Variants in INKA2 observed in about 807,000 individuals in gnomAD.
INKA2 encodes the protein PAK4-inhibitor INKA2.
A neutral mutation model predicts 9.8 loss-of-function variants in INKA2; 3 were observed. The ratio of observed to expected loss-of-function variants is 0.31; its 90% CI spans 0.14 to 0.79. The LOEUF (loss-of-function observed/expected upper bound fraction) is 0.79, where lower values mean the gene tolerates loss of function less well. Among genes scored for constraint, INKA2 ranks in the 30% least tolerant of loss-of-function variants. INKA2 has a pLI of 0.62. For synonymous variants in INKA2, 147 were observed against 143.3 expected (o/e 1.03, Z -0.18); for missense variants, 392 against 384.4 (o/e 1.02, Z -0.17).
Position 111,727,359 on chromosome 1 carries a change from T to C in INKA2, c.503A>G (p.Asn168Ser), listed in dbSNP as rs1557908478. Residue 168 changes from asparagine (N) to serine (S), a missense_variant, in exon 2 of 2, where the codon AAT (asparagine) becomes AGT (serine). Physicochemically the swap from Asn to Ser is conservative, Grantham distance 46. Coordinates refer to ENST00000357260, the MANE Select transcript of INKA2 (RefSeq NM_019099.5). ...CTCCAGTTCTGGCAAGTCTAGCCAA[T>C]TGCCCACCAGGTCTGCAAAAACGTT... ...GDNVFADLVG[N>S]WLDLPELEKG... 2 of 1,614,020 alleles carry C rather than the reference T, an allele frequency of 1.2e-6. No individual in the cohort carries two copies. The highest frequency in any genetic ancestry group is 1.1e-5 in the South Asian group (1 of 91,034).
chr1:111,752,347 G>A (rs557902983), intron 1 of INKA2, among the ~76,000 whole-genome samples: 3 of 152,280 alleles, frequency 2.0e-5, no homozygotes, highest in Admixed American at 6.5e-5. Flanking sequence ...TTACCTCCTT[G>A]ACTTCAGTAG....
chr1:111,731,320 C>A (rs1173950827), intron 1 of INKA2, among the ~76,000 whole-genome samples: 1 of 151,776 alleles, frequency 6.6e-6, no homozygotes, highest in African/African-American at 2.4e-5. Flanking sequence ...GTGACCTGGG[C>A]AAGTTATTTA....
intron 1 of INKA2, among the ~76,000 whole-genome samples, chr1:111,748,311 TC>T (rs1189516616): frequency 2.0e-5 from 3 of 152,236 alleles, no homozygotes; most frequent in Non-Finnish European, 2.9e-5. Context: ...AAATATGGGT[TC>T]TTGGGCTGGC....
intron 1 of INKA2, among the ~76,000 whole-genome samples, chr1:111,738,879 C>A (rs1332740636): frequency 6.6e-6 from 1 of 152,328 alleles, no homozygotes; most frequent in South Asian, 2.1e-4. Context: ...GTGTGCCTGG[C>A]CGTCTCTGGG....
intron 1 of INKA2, among the ~76,000 whole-genome samples, chr1:111,749,116 A>G (rs757131064): frequency 1.5e-4 from 23 of 152,216 alleles, no homozygotes; most frequent in Non-Finnish European, 2.9e-4. Flanking sequence ...TGATGGCCCC[A>G]CAGAGATAAA....
intron 1 of INKA2, chr1:111,745,289 ATATATTTTTTTT>A (rs1293087704): frequency 1.9e-4 from 10 of 52,688 alleles, no homozygotes; most frequent in Non-Finnish European, 3.1e-4. Context: ...ATATATATAT[ATATATTTTTTTT>A]TTTTTTTTTT....
At chr1:111,735,662 G>A (rs1266802174) in intron 1 of INKA2, among the ~76,000 whole-genome samples, 4 of 152,182 alleles carry the variant, frequency 2.6e-5, no homozygotes, top group African/African-American at 9.6e-5. Flanking sequence ...CTTTGCAAAA[G>A]CTTTTTTCTG....
rs1384351247 is a variant in INKA2, at chr1:111,727,303, C to T, written c.559G>A (p.Ala187Thr). The T allele has an allele frequency of 2.5e-6, 4 of 1,613,936 alleles. No individual in the cohort carries two copies. Among genetic ancestry groups the T allele is most frequent in the African/African-American group, 2.7e-5 (2 of 75,006 alleles). ...KGGEKGETGG[A>T]REPKGEKGQP... The stretch of plus-strand genomic sequence containing the variant: ...CCTTTCTCTCCTTTGGGTTCACGTG[C>T]CCCCCCAGTCTCACCCTTCTCCCCA... The change falls in exon 2 of 2, where the codon GCA becomes ACA. Residue 187 changes from alanine (A) to threonine (T), a missense_variant. Ala to Thr is a moderately conservative substitution (Grantham distance 58). Transcript: ENST00000357260.
Position 111,728,070 on chromosome 1 carries a change from C to CACACACACACACACACACACACACAT in INKA2, c.58-267_58-266insATGTGTGTGTGTGTGTGTGTGTGTGT, listed in dbSNP as rs1184555425. On this transcript the variant is annotated intron_variant, in intron 1 of 1. Coordinates refer to ENST00000357260, the MANE Select transcript of INKA2 (RefSeq NM_019099.5). ...ACACACACACACACACACACACACA[C>CACACACACACACACACACACACACAT]ACAGACATTTCATCTCCCCAACTAC... 7.1e-3 allele frequency among the ~76,000 whole-genome samples: 1,050 copies of CACACACACACACACACACACACACAT among 148,212 alleles called. 19 individuals are homozygous for CACACACACACACACACACACACACAT. The highest frequency in any genetic ancestry group is 0.018 in the East Asian group (90 of 5,020).
chr1:111,738,856 C>A (rs1342180480), intron 1 of INKA2, among the ~76,000 whole-genome samples: 1 of 152,242 alleles, frequency 6.6e-6, no homozygotes, highest in Non-Finnish European at 1.5e-5. Flanking sequence ...GGCGCGGGGG[C>A]CCCACTGCGT....
At chr1:111,742,424 A>C (rs983587941), upstream of INKA2, among the ~76,000 whole-genome samples, 3 of 152,164 alleles carry the variant, frequency 2.0e-5, no homozygotes, top group African/African-American at 7.2e-5. Flanking sequence ...GTCTCTACTA[A>C]AAATACACAA....
At chr1:111,737,961 C>G (rs965281005) in intron 1 of INKA2, among the ~76,000 whole-genome samples, 2 of 152,212 alleles carry the variant, frequency 1.3e-5, no homozygotes, top group African/African-American at 4.8e-5. Context: ...AGTTCCTTCC[C>G]AAGCAGGAAG....
At chr1:111,738,479 C>T (rs1483636147) in intron 1 of INKA2, among the ~76,000 whole-genome samples, 3 of 152,040 alleles carry the variant, frequency 2.0e-5, no homozygotes, top group Non-Finnish European at 4.4e-5. Flanking sequence ...CAAGCCCAGA[C>T]CTGACATCTG....
At position 111,739,172 on chromosome 1, in the gene INKA2, A is replaced by C. The variant is rs773539350; in HGVS notation, c.57+14T>G. 5.0e-6 allele frequency: 8 copies of C among 1,612,216 alleles called. No homozygotes were observed. The Admixed American group carries it at 8.3e-5, about 17-fold the overall frequency. ...GAGCAGCCCTCCCTGCCCCGGCGCC[A>C]GCTTCGCTCTTACCAGCTCCTGTTT... On this transcript the variant is annotated intron_variant, in intron 1 of 1. Coordinates refer to ENST00000357260, the MANE Select transcript of INKA2 (RefSeq NM_019099.5).
rs949135686 is a variant in INKA2 at position 111,724,413 on chromosome 1, C to A, written c.*2555G>T. On this transcript the variant is annotated 3_prime_UTR_variant, in exon 2 of 2. Coordinates refer to ENST00000357260, the MANE Select transcript of INKA2 (RefSeq NM_019099.5). Reference sequence around the variant, plus strand: ...GTTATAGGTGAATGTCCAAGAAGTACCTTGGTTTCCCACAGACTCATTCCA... The same window carrying A: ...GTTATAGGTGAATGTCCAAGAAGTAACTTGGTTTCCCACAGACTCATTCCA... 6.6e-6 allele frequency: 1 copy of A among 151,344 alleles called. No individual in the cohort carries two copies. Among genetic ancestry groups the A allele is most frequent in the Non-Finnish European group, 1.5e-5 (1 of 68,066 alleles). The allele number at this position is 151,344 out of a possible 1,614,324, so 9.4% of individuals were successfully genotyped here.
At position 111,723,246 on chromosome 1, in the gene INKA2, A is replaced by G. The variant is rs1662688511; in HGVS notation, c.*3722T>C. ...AAAGATGGAGGAGCCTCTCCCCAACAAGGCCCTAGGGAGGAGATGGGGATG... is the reference window on the plus strand; with the variant it reads ...AAAGATGGAGGAGCCTCTCCCCAACGAGGCCCTAGGGAGGAGATGGGGATG... On this transcript the variant is annotated 3_prime_UTR_variant, in exon 2 of 2. Transcript: ENST00000357260. 1 of 595,624 alleles carries G rather than the reference A, an allele frequency of 1.7e-6. No homozygotes were observed. Among genetic ancestry groups the G allele is most frequent in the Non-Finnish European group, 3.0e-6 (1 of 334,750 alleles). The allele number at this position is 595,624 out of a possible 1,614,324, so 36.9% of individuals were successfully genotyped here.
At chr1:111,743,527 A>T (rs77263563), upstream of INKA2, among the ~76,000 whole-genome samples, 211 of 152,320 alleles carry the variant, frequency 1.4e-3, 3 homozygotes, top group East Asian at 0.037. Flanking sequence ...AGGCAGAACC[A>T]GTTGTGTCCC....
At chr1:111,752,564 G>A (rs565410870) in intron 1 of INKA2, among the ~76,000 whole-genome samples, 123 of 152,290 alleles carry the variant, frequency 8.1e-4, no homozygotes, top group African/African-American at 2.8e-3. Context: ...GTGTTGCTTT[G>A]AGGGTCAAAT....
chr1:111,755,653 C>A (rs1203381339), intron 1 of INKA2: 15 of 1,610,154 alleles, frequency 9.3e-6, no homozygotes, highest in Admixed American at 1.7e-5. Flanking sequence ...GGCGGTGCCC[C>A]CACCGCAGGC....
Sources: allele counts gnomAD v4.1 joint callset (sites outside exome capture counted in the v4.1 genomes callset), GRCh38; gene constraint gnomAD v4.1.1; transcripts MANE v1.5; gene names NCBI Gene and HGNC (gene_info 2026-07-23, HGNC 2026-07-21).